Variants in NFYC observed in about 807,000 individuals in gnomAD.
NFYC encodes nuclear transcription factor Y subunit gamma, also known as CAAT box DNA-binding protein subunit C.
In NFYC, 25 loss-of-function variants were observed where a neutral mutation model predicts 53.1. The observed-to-expected ratio is 0.47, with a 90% CI of 0.34 to 0.66. The LOEUF is 0.66. Among genes scored for constraint, NFYC ranks in the 30% least tolerant of loss-of-function variants. The probability of loss-of-function intolerance (pLI) is 0.01; values close to 1 mark genes in which losing one functional copy is unlikely to be tolerated. For missense variants in NFYC, 260 were observed against 422.7 expected, an observed-to-expected ratio of 0.62 and a Z score of 3.38; for synonymous variants, 145 against 152.6, an observed-to-expected ratio of 0.95 and a Z score of 0.37.
chr1:40,719,426 C>T (rs1644255361), intron 1 of NFYC, among the ~76,000 whole-genome samples: 1 of 152,182 alleles, frequency 6.6e-6, no homozygotes, highest in Non-Finnish European at 1.5e-5. Context: ...GGCTAAGGCT[C>T]TTCTTCTGAA....
chr1:40,692,564 G>A (rs1642887328), intron 1 of NFYC, among the ~76,000 whole-genome samples: 1 of 152,166 alleles, frequency 6.6e-6, no homozygotes, highest in African/African-American at 2.4e-5. Context: ...TCCACGGTGT[G>A]AGTGTATGGT....
rs971942755 is a variant in NFYC, at chr1:40,747,581, T to C, written c.153T>C (p.Ile51=). 2.5e-6 allele frequency: 4 copies of C among 1,612,872 alleles called. No individual in the cohort carries two copies. Among genetic ancestry groups the C allele is most frequent in the African/African-American group, 1.3e-5 (1 of 74,906 alleles). The part of the protein sequence containing the change: ...QELPLARIKK[I]MKLDEDVKMI... ...TCCCACTGGCTCGTATTAAGAAGATTATGAAACTGGATGAAGATGTGAAGG... is the reference window on the plus strand; with the variant it reads ...TCCCACTGGCTCGTATTAAGAAGATCATGAAACTGGATGAAGATGTGAAGG... Residue 51 remains isoleucine, a synonymous_variant, in exon 3 of 10, where the codon ATT becomes ATC. Transcript: ENST00000447388.
intron 2 of NFYC, among the ~76,000 whole-genome samples, chr1:40,746,744 AAAAC>A (rs1645626806): frequency 6.6e-6 from 1 of 152,230 alleles, no homozygotes; most frequent in South Asian, 2.1e-4. Flanking sequence ...GTTTCAAAAT[AAAAC>A]AAAAAAGGGC....
chr1:40,726,576 A>ATTTTTGTAT (rs1553153682), intron 1 of NFYC, among the ~76,000 whole-genome samples: 2 of 151,902 alleles, frequency 1.3e-5, no homozygotes, highest in African/African-American at 4.8e-5. Context: ...CACCCAGCTG[A>ATTTTTGTAT]TTTTTGTATT....
At chr1:40,733,800 G>A (rs961808956) in intron 1 of NFYC, among the ~76,000 whole-genome samples, 2 of 151,968 alleles carry the variant, frequency 1.3e-5, no homozygotes, top group East Asian at 3.9e-4. Context: ...CTGTTGTGCA[G>A]TGGCATTATC....
intron 1 of NFYC, among the ~76,000 whole-genome samples, chr1:40,708,288 T>TTC (rs1256575188): frequency 6.6e-6 from 1 of 152,180 alleles, no homozygotes; most frequent in Non-Finnish European, 1.5e-5. Context: ...GCTACTGCAT[T>TTC]GCAGCCTAGC....
rs1646827314 is a variant in NFYC at position 40,766,698 on chromosome 1, C to T, written c.823C>T (p.Gln275Ter). The T allele has an allele frequency of 1.2e-6, 2 of 1,613,736 alleles. No homozygotes were observed. Among genetic ancestry groups the T allele is most frequent in the South Asian group, 1.1e-5 (1 of 91,064 alleles). The change falls in exon 8 of 10, where the codon CAA becomes TAA. Residue 275 changes from glutamine to a stop codon, truncating the protein, a stop_gained. Coordinates refer to ENST00000447388, the MANE Select transcript of NFYC (RefSeq NM_014223.5). LOFTEE classifies it high-confidence loss of function. ...GQIQTLATNA[Q>*]QITQTEVQQG... is the part of the protein sequence containing the mutation. ...GATCCAGACACTTGCCACCAATGCT[C>T]AACAGGTATGTGCCCCAGAGACACA...
rs1645876996 is a variant in NFYC at position 40,750,892 on chromosome 1, A to G, written c.291+1206A>G. 2.0e-5 allele frequency among the ~76,000 whole-genome samples: 3 copies of G among 152,238 alleles called. No individual in the cohort carries two copies. In the South Asian group the frequency reaches 6.2e-4, roughly 32 times the overall value. The stretch of plus-strand genomic sequence containing the variant: ...AGAATACCTAAAATAAAAAAGACTG[A>G]CAATACCACAGTTGGTGAGGAAGTG... On this transcript the variant is annotated intron_variant, in intron 4 of 9. Transcript: ENST00000447388.
intron 5 of NFYC, chr1:40,754,582 A>G (rs1304385631): frequency 2.7e-6 from 1 of 377,304 alleles, no homozygotes; most frequent in East Asian, 7.4e-5. Context: ...TTCCTTCAGA[A>G]CAAAGAGTAT....
intron 1 of NFYC, among the ~76,000 whole-genome samples, chr1:40,732,603 C>T (rs1644822460): frequency 6.6e-6 from 1 of 152,196 alleles, no homozygotes; most frequent in African/African-American, 2.4e-5. Flanking sequence ...ATGATTTTCC[C>T]CTTCTTGCTA....
chr1:40,757,222 G>A, intron 5 of NFYC: 1 of 398,926 alleles, frequency 2.5e-6, no homozygotes, highest in Non-Finnish European at 5.6e-6. Context: ...GGTCACTCCG[G>A]ATCAGACGCC....
At chr1:40,740,435 T>C (rs1645279349) in intron 2 of NFYC, among the ~76,000 whole-genome samples, 1 of 152,194 alleles carries the variant, frequency 6.6e-6, no homozygotes, top group South Asian at 2.1e-4. Context: ...CTTATTATGA[T>C]AAATGCCCAC....
Position 40,771,503 on chromosome 1 carries a change from G to C in NFYC, c.*675G>C, listed in dbSNP as rs1570781422. On this transcript the variant is annotated 3_prime_UTR_variant, in exon 10 of 10. Transcript: ENST00000447388. ...GAAACTAGGACTTTGTGTGTTTGCTGCCCACCTCCCTTTTATTTTTTAAAT... is the reference window on the plus strand; with the variant it reads ...GAAACTAGGACTTTGTGTGTTTGCTCCCCACCTCCCTTTTATTTTTTAAAT... 2 of 460,806 alleles carry C rather than the reference G, an allele frequency of 4.3e-6. No homozygotes were observed. Among genetic ancestry groups the C allele is most frequent in the Non-Finnish European group, 9.0e-6 (2 of 222,980 alleles). 28.5% of individuals were successfully genotyped at this position (460,806 alleles called of 1,614,324 possible).
chr1:40,747,009 T>C (rs1000059839), intron 2 of NFYC, among the ~76,000 whole-genome samples: 1 of 152,192 alleles, frequency 6.6e-6, no homozygotes, highest in African/African-American at 2.4e-5. Context: ...GTTTCTGTTG[T>C]CAGGTTAGTG....
chr1:40,696,137 C>T (rs554820329), intron 1 of NFYC, among the ~76,000 whole-genome samples: 9 of 150,730 alleles, frequency 6.0e-5, no homozygotes, highest in Non-Finnish European at 1.3e-4. Context: ...GATTCTCTTG[C>T]CTCAGCCTCC....
chr1:40,738,812 T>A (rs748892248), intron 1 of NFYC, 24 bp from the exon 2 acceptor site: 1 of 1,532,732 alleles, frequency 6.5e-7, no homozygotes, highest in Non-Finnish European at 9.0e-7. Flanking sequence ...TTCTAATGTG[T>A]CTTATGTATG....
chr1:40,760,316 C>T (rs543704370), intron 6 of NFYC, among the ~76,000 whole-genome samples: 1 of 152,272 alleles, frequency 6.6e-6, no homozygotes, highest in Admixed American at 6.5e-5. Flanking sequence ...CCTATAATCC[C>T]ATCACTTTGG....
Position 40,703,648 on chromosome 1 carries a change from C to T in NFYC, c.-9+11781C>T, listed in dbSNP as rs1042559292. Among the ~76,000 whole-genome samples, 11 of 152,014 alleles carry T rather than the reference C, an allele frequency of 7.2e-5. 1 individual carries two copies. The highest frequency in any genetic ancestry group is 2.4e-5 in the African/African-American group (1 of 41,378). ...ATTTCACTGACACTGTGGCTAAAATCGGATTTGATTTATATCTTTATGCTT... is the reference window on the plus strand; with the variant it reads ...ATTTCACTGACACTGTGGCTAAAATTGGATTTGATTTATATCTTTATGCTT... On this transcript the variant is annotated intron_variant, in intron 1 of 9. Transcript: ENST00000447388.
Position 40,770,182 on chromosome 1 carries a change from A to G in NFYC, c.889-527A>G, listed in dbSNP as rs1430088561. ...TCTCCACCCCTGGAGCGTCTTGGCT[A>G]TAGTTAAGTGTTTAATACCAGGCCA... On this transcript the variant is annotated intron_variant, in intron 9 of 9. Coordinates refer to ENST00000447388, the MANE Select transcript of NFYC (RefSeq NM_014223.5). This position sits in a 1 kb window ranked among gnomAD's most constrained non-coding sequence, Gnocchi z 5.3. 2 of 570,898 alleles carry G rather than the reference A, an allele frequency of 3.5e-6. No individual in the cohort carries two copies. The highest frequency in any genetic ancestry group is 6.2e-6 in the Non-Finnish European group (2 of 323,782). 35.4% of individuals were successfully genotyped at this position (570,898 alleles called of 1,614,324 possible).
Sources: allele counts gnomAD v4.1 joint callset (sites outside exome capture counted in the v4.1 genomes callset), GRCh38; gene constraint gnomAD v4.1.1; non-coding constraint Gnocchi (gnomAD v3.1); transcripts MANE v1.5; gene names NCBI Gene and HGNC (gene_info 2026-07-23, HGNC 2026-07-21).